The following RPH3A variants were observed in gnomAD, a reference collection of about 807,000 sequenced individuals.
The protein encoded by RPH3A is rabphilin-3A.
RPH3A carries 48 observed loss-of-function variants against 102.2 expected under a neutral mutation model. The observed-to-expected ratio is 0.47, with a 90% CI of 0.37 to 0.60. RPH3A has a LOEUF of 0.60. RPH3A is among the 20% of genes least tolerant of loss of function. RPH3A has a pLI of 0.00. For missense variants in RPH3A, 781 were observed against 910.1 expected (o/e 0.86, Z 1.83); for synonymous variants, 310 against 324.3 (o/e 0.96, Z 0.47).
intron 5 of RPH3A, among the ~76,000 whole-genome samples, chr12:112,849,654 T>A (rs1288319158): frequency 6.6e-6 from 1 of 152,226 alleles, no homozygotes; most frequent in African/African-American, 2.4e-5. Context: ...AGGGTAGGTA[T>A]TTTTGCCGGT....
At chr12:112,883,873 T>C (rs995079036) in intron 16 of RPH3A, among the ~76,000 whole-genome samples, 9 of 152,164 alleles carry the variant, frequency 5.9e-5, no homozygotes, top group African/African-American at 2.2e-4. Context: ...ATATATCCAC[T>C]TTTATTTATC....
chr12:112,876,352 G>A (rs2042796842), intron 12 of RPH3A, among the ~76,000 whole-genome samples: 1 of 152,156 alleles, frequency 6.6e-6, no homozygotes, highest in Non-Finnish European at 1.5e-5. Flanking sequence ...TAAAGAAACT[G>A]AGGCTCAGAG....
intron 1 of RPH3A, among the ~76,000 whole-genome samples, chr12:112,723,084 A>G (rs1376602455): frequency 6.6e-6 from 1 of 152,094 alleles, no homozygotes; most frequent in Admixed American, 6.5e-5. Flanking sequence ...CATCTATCTC[A>G]TTTCTCTGAT....
intron 10 of RPH3A, among the ~76,000 whole-genome samples, chr12:112,870,291 AT>A (rs2042685481): frequency 9.9e-6 from 1 of 101,312 alleles, no homozygotes; most frequent in East Asian, 3.1e-4. Flanking sequence ...AGAAAGCATG[AT>A]TTTTTTTCTC....
intron 13 of RPH3A, among the ~76,000 whole-genome samples, chr12:112,877,287 TA>T (rs2042819417): frequency 6.6e-6 from 1 of 152,198 alleles, no homozygotes; most frequent in Non-Finnish European, 1.5e-5. Flanking sequence ...CTTCTAAAAG[TA>T]ATTTATTAAT....
At chr12:112,774,278 A>G (rs763187698) in intron 1 of RPH3A, among the ~76,000 whole-genome samples, 5 of 152,212 alleles carry the variant, frequency 3.3e-5, no homozygotes, top group Non-Finnish European at 5.9e-5. Flanking sequence ...AGAGGTTGGA[A>G]CGAATGGGGA....
chr12:112,754,852 G>A (rs2040811036), intron 1 of RPH3A, among the ~76,000 whole-genome samples: 1 of 152,082 alleles, frequency 6.6e-6, no homozygotes, highest in African/African-American at 2.4e-5. Context: ...AACCACCCAG[G>A]ACCTTTTAAA....
At chr12:112,696,846 T>C (rs1364579611) in intron 1 of RPH3A, among the ~76,000 whole-genome samples, 1 of 152,210 alleles carries the variant, frequency 6.6e-6, no homozygotes, top group Non-Finnish European at 1.5e-5. Flanking sequence ...CCTAGGAGAT[T>C]GGTAGGACTG....
At chr12:112,624,577 CAA>C (rs2039758055) in intron 1 of RPH3A, among the ~76,000 whole-genome samples, 1 of 150,698 alleles carries the variant, frequency 6.6e-6, no homozygotes, top group African/African-American at 2.4e-5. Context: ...GTTTACCAAC[CAA>C]AAAGAGTCCA....
At chr12:112,684,318 G>A (rs1238509173) in intron 1 of RPH3A, among the ~76,000 whole-genome samples, 1 of 152,142 alleles carries the variant, frequency 6.6e-6, no homozygotes, top group Non-Finnish European at 1.5e-5. Context: ...GAGTGCAGTG[G>A]TACAATCTCG....
chr12:112,602,767 G>T (rs1374728973), intron 1 of RPH3A, among the ~76,000 whole-genome samples: 1 of 152,006 alleles, frequency 6.6e-6, no homozygotes, highest in Admixed American at 6.6e-5. Context: ...TCCAGCCTGG[G>T]CGTCACACAA....
intron 2 of RPH3A, among the ~76,000 whole-genome samples, chr12:112,827,350 T>C (rs1173762404): frequency 6.6e-6 from 1 of 152,236 alleles, no homozygotes; most frequent in Admixed American, 6.5e-5. Flanking sequence ...GCATCATGTT[T>C]TCGAGGTTCA....
intron 1 of RPH3A, among the ~76,000 whole-genome samples, chr12:112,654,331 A>G (rs553837055): frequency 6.6e-6 from 1 of 152,180 alleles, no homozygotes. Context: ...CTGCAGAAGC[A>G]TCTACTAAAC....
At position 112,896,703 on chromosome 12, in the gene RPH3A, G is replaced by C; in HGVS notation, c.2008G>C (p.Glu670Gln). The C allele has an allele frequency of 1.9e-6, 3 of 1,614,098 alleles. No homozygotes were observed. Among genetic ancestry groups the C allele is most frequent in the Non-Finnish European group, 2.5e-6 (3 of 1,179,978 alleles). ...AKGERLKHWY[E>Q]CLKNKDKKIE... ...GGGAGAGCGCTTAAAACACTGGTAC[G>C]AGTGTCTGAAAAATAAAGACAAGAA... is the stretch of plus-strand genomic sequence containing the variant. Residue 670 changes from glutamate to glutamine, a missense_variant, in exon 22 of 22, where the codon GAG (glutamate) becomes CAG (glutamine). Physicochemically the swap from Glu to Gln is conservative, Grantham distance 29. Coordinates refer to ENST00000389385, the MANE Select transcript of RPH3A (RefSeq NM_001143854.2).
chr12:112,671,152 G>T (rs1390005690), intron 1 of RPH3A, among the ~76,000 whole-genome samples: 27 of 152,214 alleles, frequency 1.8e-4, no homozygotes, highest in Admixed American at 1.8e-3. Context: ...AAATGAACAT[G>T]AAAGCACTTG....
chr12:112,842,585 C>G (rs1351555919), intron 4 of RPH3A, among the ~76,000 whole-genome samples: 1 of 152,218 alleles, frequency 6.6e-6, no homozygotes, highest in African/African-American at 2.4e-5. Flanking sequence ...TCATTGTAGG[C>G]AGCCACCAGG....
intron 1 of RPH3A, among the ~76,000 whole-genome samples, chr12:112,687,225 A>T (rs2040272103): frequency 6.6e-6 from 1 of 152,226 alleles, no homozygotes; most frequent in African/African-American, 2.4e-5. Context: ...CTAGACAGGC[A>T]GTTGCTGGTA....
chr12:112,595,953 A>C (rs1326159420), intron 1 of RPH3A, among the ~76,000 whole-genome samples: 1 of 152,142 alleles, frequency 6.6e-6, no homozygotes, highest in Non-Finnish European at 1.5e-5. Flanking sequence ...ACACTACTGG[A>C]GAGACTACAT....
At chr12:112,671,283 T>A (rs1281065441) in intron 1 of RPH3A, among the ~76,000 whole-genome samples, 1 of 152,170 alleles carries the variant, frequency 6.6e-6, no homozygotes, top group African/African-American at 2.4e-5. Context: ...TGGAAAGCAG[T>A]CCAGGATTAG....
Sources: gnomAD v4.1 joint callset for allele counts (sites outside exome capture counted in the v4.1 genomes callset) on GRCh38, gnomAD v4.1.1 for gene constraint, MANE v1.5 for transcripts, NCBI Gene and HGNC (gene_info 2026-07-23, HGNC 2026-07-21) for gene names.